Variants in PCDHGA5 observed in about 807,000 individuals in gnomAD.
PCDHGA5 encodes the protein protocadherin gamma subfamily A, 5, also known as protocadherin gamma-A5.
Under a neutral mutation model 56.7 loss-of-function variants are expected in PCDHGA5, and 36 were observed. That is an observed-to-expected ratio of 0.64 (90% CI 0.49 to 0.84). The LOEUF is 0.84. Ranked by LOEUF, PCDHGA5 falls within the 40% of genes least tolerant of loss-of-function variation. PCDHGA5 has a pLI of 0.00. For missense variants in PCDHGA5, 1,305 were observed against 1,201.5 expected (o/e 1.09, Z -1.27); for synonymous variants, 563 against 520.2 (o/e 1.08, Z -1.12).
intron 1 of PCDHGA5, chr5:141,405,091 C>G (rs761186505): frequency 8.1e-6 from 13 of 1,613,814 alleles, no homozygotes; most frequent in Non-Finnish European, 1.1e-5. Flanking sequence ...CGCTGCTGGC[C>G]CTCAGGCTGA....
At chr5:141,464,413 A>G (rs2099083422) in intron 1 of PCDHGA5, among the ~76,000 whole-genome samples, 1 of 151,632 alleles carries the variant, frequency 6.6e-6, no homozygotes, top group African/African-American at 2.4e-5. Context: ...ATATATATAT[A>G]TCTATATATA....
At position 141,366,991 on chromosome 5, in the gene PCDHGA5, A is replaced by G. The variant is rs1764892123; in HGVS notation, c.2421+240A>G. The G allele has an allele frequency of 1.3e-5, 6 of 477,098 alleles. No individual in the cohort carries two copies. The South Asian group carries it at 2.2e-4, about 18-fold the overall frequency. 29.6% of individuals were successfully genotyped at this position (477,098 alleles called of 1,614,324 possible). A position where few individuals can be genotyped will look rare whatever the true frequency, so the allele number is the denominator to read the frequency against. Reference sequence around the variant, plus strand: ...AAATACCTTAAAGGAAAGTGGTTAAATATAATCATTTTACCCAAATATTTT... The same window carrying G: ...AAATACCTTAAAGGAAAGTGGTTAAGTATAATCATTTTACCCAAATATTTT... On this transcript the variant is annotated intron_variant, in intron 1 of 3. Coordinates refer to ENST00000518069, the MANE Select transcript of PCDHGA5 (RefSeq NM_018918.3).
At chr5:141,376,643 A>G (rs1465583488) in intron 1 of PCDHGA5, 17 of 1,013,920 alleles carry the variant, frequency 1.7e-5, no homozygotes, top group Non-Finnish European at 2.4e-5. Context: ...GATTTTGTAA[A>G]GTGGAAGACT....
At position 141,431,262 on chromosome 5, in the gene PCDHGA5, A is replaced by G. The variant is rs371663018; in HGVS notation, c.2422-63545A>G. The stretch of plus-strand genomic sequence containing the variant: ...CCGGATATCGGGAAGAACTCTCTGC[A>G]GAGCTACGAGCTCAGCCCGAACACT... On this transcript the variant is annotated intron_variant, in intron 1 of 3. Coordinates refer to ENST00000518069, the MANE Select transcript of PCDHGA5 (RefSeq NM_018918.3). The surrounding 1 kb of genome is among the most constrained non-coding windows in gnomAD (Gnocchi z 4.8). The G allele has an allele frequency of 2.6e-5, 42 of 1,614,184 alleles. No homozygotes were observed. In the African/African-American group the frequency reaches 2.7e-4, roughly 10 times the overall value.
intron 1 of PCDHGA5, chr5:141,385,199 A>C (rs1185520352): frequency 6.2e-7 from 1 of 1,614,064 alleles, no homozygotes; most frequent in African/African-American, 1.3e-5. Flanking sequence ...CGGAAGAGTC[A>C]CCTGATCTTC....
chr5:141,446,917 C>G (rs979679080), intron 1 of PCDHGA5, among the ~76,000 whole-genome samples: 1 of 152,108 alleles, frequency 6.6e-6, no homozygotes, highest in South Asian at 2.1e-4. Flanking sequence ...TTTTATTTAT[C>G]TTCCTGATCT....
In PCDHGA5 at chr5:141,476,868, C is replaced by G. The variant is rs1213404395; in HGVS notation, c.2422-17939C>G. On this transcript the variant is annotated intron_variant, in intron 1 of 3. Transcript: ENST00000518069. This position sits in a 1 kb window ranked among gnomAD's most constrained non-coding sequence, Gnocchi z 7.6. Reference sequence around the variant, plus strand: ...GTCTTCAACCAGTCCTTGTACCGGGCGCGCGTCCTGGAGGATGCACCCTCC... The same window carrying G: ...GTCTTCAACCAGTCCTTGTACCGGGGGCGCGTCCTGGAGGATGCACCCTCC... 2.5e-6 allele frequency: 4 copies of G among 1,613,874 alleles called. No homozygotes were observed. Among genetic ancestry groups the G allele is most frequent in the Non-Finnish European group, 3.4e-6 (4 of 1,180,050 alleles).
chr5:141,454,880 T>C (rs1561957456), intron 1 of PCDHGA5, among the ~76,000 whole-genome samples: 1 of 137,862 alleles, frequency 7.3e-6, no homozygotes, highest in Non-Finnish European at 1.5e-5. Flanking sequence ...CGATCTTGGC[T>C]CACTGCTAGC....
intron 1 of PCDHGA5, chr5:141,404,708 T>C: frequency 6.2e-7 from 1 of 1,614,064 alleles, no homozygotes; most frequent in Non-Finnish European, 8.5e-7. Context: ...AGAGCCTGGC[T>C]ACCTGGTGAC....
rs761106133 is a variant in PCDHGA5 at position 141,432,117 on chromosome 5, C to A, written c.2422-62690C>A. 1 of 1,614,180 alleles carries A rather than the reference C, an allele frequency of 6.2e-7. No individual in the cohort carries two copies. Among genetic ancestry groups the A allele is most frequent in the Admixed American group, 1.7e-5 (1 of 60,024 alleles). ...ACCAACGACAACCCGCCGGTCTTCC[C>A]TCAGGCCTCCTATTCCGCTTATATC... On this transcript the variant is annotated intron_variant, in intron 1 of 3. Transcript: ENST00000518069. The surrounding 1 kb of genome is among the most constrained non-coding windows in gnomAD (Gnocchi z 6.0).
intron 1 of PCDHGA5, chr5:141,409,185 C>G (rs765063807): frequency 6.2e-7 from 1 of 1,614,024 alleles, no homozygotes; most frequent in South Asian, 1.1e-5. Flanking sequence ...GGTGGTCTCT[C>G]TACCCAGTGT....
chr5:141,437,638 A>G (rs192433359), intron 1 of PCDHGA5, among the ~76,000 whole-genome samples: 1 of 152,250 alleles, frequency 6.6e-6, no homozygotes, highest in Admixed American at 6.5e-5. Context: ...TGTCAGGTTC[A>G]GAAAAGCAAA....
chr5:141,402,973 C>G (rs779898665), intron 1 of PCDHGA5: 1 of 1,607,926 alleles, frequency 6.2e-7, no homozygotes. Context: ...CAACCAAATG[C>G]CAGCTCCGCG....
At chr5:141,455,506 G>T (rs1307993951) in intron 1 of PCDHGA5, among the ~76,000 whole-genome samples, 1 of 152,152 alleles carries the variant, frequency 6.6e-6, no homozygotes, top group African/African-American at 2.4e-5. Flanking sequence ...ATTTGCATAG[G>T]GCTCAGGGGA....
rs1270447529 is a variant in PCDHGA5 at position 141,490,526 on chromosome 5, C to A, written c.2422-4281C>A. 3 of 1,614,116 alleles carry A rather than the reference C, an allele frequency of 1.9e-6. No homozygotes were observed. Among genetic ancestry groups the A allele is most frequent in the Non-Finnish European group, 2.5e-6 (3 of 1,180,008 alleles). On this transcript the variant is annotated intron_variant, in intron 1 of 3. Transcript: ENST00000518069. This position sits in a 1 kb window ranked among gnomAD's most constrained non-coding sequence, Gnocchi z 5.4. ...ATCATCGAGCTGCTGGCCAGCGATG[C>A]TGGTTCACCTTCCCTACACAAACAT...
intron 1 of PCDHGA5, chr5:141,392,261 A>C (rs2150475228): frequency 6.6e-6 from 1 of 152,338 alleles, no homozygotes; most frequent in Admixed American, 6.5e-5. Flanking sequence ...TATTGGAGAC[A>C]TTTACAATAA....
intron 1 of PCDHGA5, chr5:141,396,655 C>T (rs1589287485): frequency 6.6e-6 from 1 of 152,052 alleles, no homozygotes; most frequent in South Asian, 2.1e-4. Context: ...AGTAAAAACT[C>T]GGTATAGGCT....
intron 1 of PCDHGA5, chr5:141,423,758 G>GA: frequency 1.1e-5 from 4 of 366,840 alleles, no homozygotes; most frequent in South Asian, 8.5e-5. Flanking sequence ...TTTGGGGGGG[G>GA]GGTGGGGCGG....
At chr5:141,430,873 G>T in intron 1 of PCDHGA5, 5 of 1,598,960 alleles carry the variant, frequency 3.1e-6, no homozygotes, top group Non-Finnish European at 4.3e-6. Flanking sequence ...TTCCGGAAGA[G>T]CTGGAGAAAG....
Sources: allele counts gnomAD v4.1 joint callset (sites outside exome capture counted in the v4.1 genomes callset), GRCh38; gene constraint gnomAD v4.1.1; non-coding constraint Gnocchi (gnomAD v3.1); transcripts MANE v1.5; gene names NCBI Gene and HGNC (gene_info 2026-07-23, HGNC 2026-07-21).